The following KMT2D variants were observed in gnomAD, a reference collection of about 807,000 sequenced individuals.
KMT2D encodes the protein histone-lysine N-methyltransferase 2D.
In KMT2D, 55 loss-of-function variants were observed where a neutral mutation model predicts 512.7. The ratio of observed to expected loss-of-function variants is 0.11; its 90% CI spans 0.09 to 0.13. KMT2D has a LOEUF of 0.13. Among genes scored for constraint, KMT2D ranks in the 10% least tolerant of loss-of-function variants. KMT2D has a pLI of 1.00. For missense variants in KMT2D, 6,061 were observed against 7,127.9 expected (o/e 0.85, Z 5.39); for synonymous variants, 2,995 against 2,904.0 (o/e 1.03, Z -1.01).
rs769426621 is a variant in KMT2D, at chr12:49,044,095, C to T, written c.5189-97G>A. ...TGCCTACTCTCTCCCACAACACCAG[C>T]TGGGTCTACCACCCTCTTGGCCCTT... On this transcript the variant is annotated intron_variant, in intron 22 of 54. Transcript: ENST00000301067. The surrounding 1 kb of genome is among the most constrained non-coding windows in gnomAD (Gnocchi z 6.4). 7.5e-6 allele frequency: 12 copies of T among 1,590,214 alleles called. No homozygotes were observed. The highest frequency in any genetic ancestry group is 2.2e-4 in the Middle Eastern group (1 of 4,572).
rs2120501648 is a variant in KMT2D, at chr12:49,038,655, G to A, written c.8701C>T (p.Pro2901Ser). The change falls in exon 35 of 55, where the codon CCT (proline) becomes TCT (serine). Residue 2901 changes from proline to serine, a missense_variant. Pro to Ser is a moderately conservative substitution (Grantham distance 74). Around this residue, in one of 16 missense-constraint regions of KMT2D, gnomAD observed 527 missense variants for 578.9 expected, o/e 0.91. Transcript: ENST00000301067. The surrounding 1 kb of genome is among the most constrained non-coding windows in gnomAD (Gnocchi z 5.7). ...GGTPFPGQGP[P>S]QRPRFYPVSE... ...ACAGGGTAAAAACGGGGTCTCTGAG[G>A]TGGGCCCTGACCAGGAAACGGAGTG... 6.2e-7 allele frequency: 1 copy of A among 1,613,104 alleles called. No individual in the cohort carries two copies. Among genetic ancestry groups the A allele is most frequent in the Non-Finnish European group, 8.5e-7 (1 of 1,179,854 alleles).
Position 49,037,522 on chromosome 12 carries a change from T to TTGCTGC in KMT2D, c.9828_9833dup (p.Gln3281_Gln3282dup), listed in dbSNP as rs768814728. 4 of 1,555,714 alleles carry TTGCTGC rather than the reference T, an allele frequency of 2.6e-6. No homozygotes were observed. Among genetic ancestry groups the TTGCTGC allele is most frequent in the Non-Finnish European group, 3.5e-6 (4 of 1,149,470 alleles). ...ACAGTAGGGAATGCTGCTGCTGCTGTTGCTGCTGCTGCTGGGCAGGCTGCA... is the reference window on the plus strand; with the variant it reads ...ACAGTAGGGAATGCTGCTGCTGCTGTTGCTGCTGCTGCTGCTGCTGGGCAGGCTGCA... On this transcript the variant is annotated inframe_insertion, in exon 35 of 55. Transcript: ENST00000301067.
Position 49,046,914 on chromosome 12 carries a change from C to G in KMT2D, c.4237-124G>C, listed in dbSNP as rs12302633. ...AGGCTGGAGTGCAATGGCGCGATCT[C>G]GGCTCACTGCAACCTCTGCCTCTCA... On this transcript the variant is annotated intron_variant, in intron 15 of 54. Coordinates refer to ENST00000301067, the MANE Select transcript of KMT2D (RefSeq NM_003482.4). This position sits in a 1 kb window ranked among gnomAD's most constrained non-coding sequence, Gnocchi z 4.2. 1 of 783,964 alleles carries G rather than the reference C, an allele frequency of 1.3e-6. No homozygotes were observed. The highest frequency in any genetic ancestry group is 2.7e-5 in the Admixed American group (1 of 36,646). The allele number at this position is 783,964 out of a possible 1,614,324, so 48.6% of individuals were successfully genotyped here.
rs371426893 is a variant in KMT2D at position 49,038,875 on chromosome 12, G to A, written c.8481C>T (p.Thr2827=). The stretch of plus-strand genomic sequence containing the variant: ...GAGCTGACATGGCAAATCGCATGGA[G>A]GTTGCTGCTGTTGCCTGTTGTTGCT... ...LWQQQQATAA[T]SMRFAMSARF... Residue 2827 remains threonine, a synonymous_variant, in exon 35 of 55, where the codon ACC becomes ACT. Transcript: ENST00000301067. The surrounding 1 kb of genome is among the most constrained non-coding windows in gnomAD (Gnocchi z 5.7). The A allele has an allele frequency of 3.9e-5, 60 of 1,551,958 alleles. No individual in the cohort carries two copies. In the African/African-American group the frequency reaches 6.4e-4, roughly 17 times the overall value.
In KMT2D at chr12:49,044,649, G is replaced by A; in HGVS notation, c.4963+95C>T. 6.5e-7 allele frequency: 1 copy of A among 1,546,908 alleles called. No homozygotes were observed. On this transcript the variant is annotated intron_variant, in intron 20 of 54. Transcript: ENST00000301067. This position sits in a 1 kb window ranked among gnomAD's most constrained non-coding sequence, Gnocchi z 6.4. ...ACTTAGACGAGACAGCAGTGCTTAA[G>A]GGTAACTGAGTGGCAATGTAGCCCC... is the stretch of plus-strand genomic sequence containing the variant.
rs1433029080 is a variant in KMT2D, at chr12:49,050,675, T to A, written c.2913A>T (p.Ser971=). 1 of 1,612,842 alleles carries A rather than the reference T, an allele frequency of 6.2e-7. No individual in the cohort carries two copies. The highest frequency in any genetic ancestry group is 8.5e-7 in the Non-Finnish European group (1 of 1,179,576). The change falls in exon 12 of 55, where the codon TCA becomes TCT. Residue 971 remains serine (S), a synonymous_variant. Transcript: ENST00000301067. Reference sequence around the variant, plus strand: ...TCTCCAGGATGGGGGCAGCCAACGGTGACTCAGGGTCACTGTCCCCTTTGG... The same window carrying A: ...TCTCCAGGATGGGGGCAGCCAACGGAGACTCAGGGTCACTGTCCCCTTTGG... ...FGAKGDSDPE[S]PLAAPILETP... is the part of the protein sequence containing the mutation.
chr12:49,054,060 G>A lies in KMT2D; in HGVS notation c.591C>T (p.Cys197=), dbSNP rs754603677. ...PGCPRLYHFP[C]ATASGSFLSM... is the part of the protein sequence containing the mutation. ...ATAGGAAGGAACCGCTGGCAGTCGC[G>A]CAGGGGAAGTGGTAAAGCCGTGGAC... The change falls in exon 6 of 55, where the codon TGC becomes TGT. Residue 197 remains cysteine (C), a synonymous_variant. Coordinates refer to ENST00000301067, the MANE Select transcript of KMT2D (RefSeq NM_003482.4). This position sits in a 1 kb window ranked among gnomAD's most constrained non-coding sequence, Gnocchi z 6.4. 28 of 1,613,732 alleles carry A rather than the reference G, an allele frequency of 1.7e-5. No individual in the cohort carries two copies. Among genetic ancestry groups the A allele is most frequent in the South Asian group, 3.3e-5 (3 of 91,070 alleles).
intron 9 of KMT2D, 95 bp from the exon 10 acceptor site, chr12:49,052,804 A>T (rs1938158090): frequency 6.3e-7 from 1 of 1,583,074 alleles, no homozygotes. Context: ...TGTGGATGGC[A>T]CTGCCCACCT....
chr12:49,032,534 T>G lies in KMT2D; in HGVS notation c.12171A>C (p.Ser4057=). The G allele has an allele frequency of 9.4e-6, 15 of 1,603,480 alleles. No individual in the cohort carries two copies. Among genetic ancestry groups the G allele is most frequent in the Non-Finnish European group, 1.3e-5 (15 of 1,175,026 alleles). Residue 4057 remains serine (S), a synonymous_variant, in exon 40 of 55, where the codon TCA becomes TCC. Transcript: ENST00000301067. ...TTACCTCTCCTGGTTCAGTGGCCAT[T>G]GACTCAGGGGTAGTTCCTATTGCTA... is the stretch of plus-strand genomic sequence containing the variant. The part of the protein sequence containing the change: ...GPLAIGTTPE[S]MATEPGEVKP...
At chr12:49,045,064 G>A in intron 19 of KMT2D, 99 bp from the exon 20 acceptor site, 1 of 1,192,756 alleles carries the variant, frequency 8.4e-7, no homozygotes, top group Non-Finnish European at 1.2e-6. Flanking sequence ...CAAAGGCAGT[G>A]ACAAAAGTCC....
rs753306647 is a variant in KMT2D at position 49,048,114 on chromosome 12, A to G, written c.4132-45T>C. 2.3e-6 allele frequency: 3 copies of G among 1,307,468 alleles called. No individual in the cohort carries two copies. In the East Asian group the frequency reaches 7.0e-5, roughly 31 times the overall value. 81.0% of individuals were successfully genotyped at this position (1,307,468 alleles called of 1,614,324 possible). ...CCCAAATGTCCAACTAGATCTCCCC[A>G]TCCCACTCAGATCCAGTCTACTATG... On this transcript the variant is annotated intron_variant, in intron 14 of 54. Transcript: ENST00000301067.
At position 49,037,224 on chromosome 12, in the gene KMT2D, A is replaced by G. The variant is rs772239527; in HGVS notation, c.10132T>C (p.Ser3378Pro). 6.2e-7 allele frequency: 1 copy of G among 1,613,374 alleles called. No homozygotes were observed. The highest frequency in any genetic ancestry group is 1.1e-5 in the South Asian group (1 of 91,052). The stretch of plus-strand genomic sequence containing the variant: ...GGCATGGTGCCCATGGGCTTCTGTG[A>G]TAGCACTGGCTGTGAGCTCTGCTGG... Reference protein sequence around the residue: ...VPQQSSQPVLSQKPMGTMPPS... With the variant: ...VPQQSSQPVLPQKPMGTMPPS... The change falls in exon 35 of 55, where the codon TCA becomes CCA. Residue 3378 changes from serine (S) to proline (P), a missense_variant. Around this residue, in one of 16 missense-constraint regions of KMT2D, gnomAD observed 533 missense variants for 539.6 expected, o/e 0.99. Transcript: ENST00000301067.
rs779439618 is a variant in KMT2D, at chr12:49,051,538, G to A, written c.2145C>T (p.Leu715=). The part of the protein sequence containing the change: ...SPASPPPEDS[L]MSLPLEESPL... Reference sequence around the variant, plus strand: ...GTGACTCCTCCAGCGGCAGGGACATGAGCGAGTCCTCCGGTGGTGGGGAAG... The same window carrying A: ...GTGACTCCTCCAGCGGCAGGGACATAAGCGAGTCCTCCGGTGGTGGGGAAG... The change falls in exon 11 of 55, where the codon CTC becomes CTT. Residue 715 remains leucine (L), a synonymous_variant. Transcript: ENST00000301067. The A allele has an allele frequency of 4.3e-6, 7 of 1,613,072 alleles. No individual in the cohort carries two copies. The South Asian group carries it at 4.4e-5, about 10-fold the overall frequency.
In KMT2D at chr12:49,040,817, C is replaced by T. The variant is rs773922956; in HGVS notation, c.6953G>A (p.Gly2318Asp). ...DSPSSGTHLG[G>D]LELKTPDVFK... ...GACATCAGGTGTCTTTAACTCCAGG[C>T]CACCCAGGTGGGTGCCTGAGGAGGG... Residue 2318 changes from glycine (G) to aspartate (D), a missense_variant, in exon 32 of 55, where the codon GGC (glycine) becomes GAC (aspartate). This residue lies in a region of KMT2D where 710 missense variants were observed against 647.3 expected (regional missense o/e 1.10). Coordinates refer to ENST00000301067, the MANE Select transcript of KMT2D (RefSeq NM_003482.4). 16 of 1,613,674 alleles carry T rather than the reference C, an allele frequency of 9.9e-6. No homozygotes were observed. Among genetic ancestry groups the T allele is most frequent in the Admixed American group, 5.0e-5 (3 of 59,998 alleles).
Position 49,040,750 on chromosome 12 carries a change from G to A in KMT2D, c.7020C>T (p.Pro2340=), listed in dbSNP as rs1255482946. The A allele has an allele frequency of 3.1e-6, 5 of 1,613,498 alleles. No homozygotes were observed. Among genetic ancestry groups the A allele is most frequent in the East Asian group, 2.2e-5 (1 of 44,848 alleles). The change falls in exon 32 of 55, where the codon CCC becomes CCT. Residue 2340 remains proline, a synonymous_variant. Transcript: ENST00000301067. ...GCCTTAGGCCCAAGCCCGGGCTCTGGGGCTCTACCTGAGATGCCCGAGGGG... is the reference window on the plus strand; with the variant it reads ...GCCTTAGGCCCAAGCCCGGGCTCTGAGGCTCTACCTGAGATGCCCGAGGGG... The part of the protein sequence containing the change: ...PLTPRASQVE[P]QSPGLGLRPQ...
chr12:49,052,281 A>T lies in KMT2D; in HGVS notation c.1402T>A (p.Ser468Thr), dbSNP rs2120684538. ...GCGGGCAATTCCTCAGGTGGTGGTG[A>T]CAGGCGTGATGCCTCAGGTGGTGGG... ...TSPPPEASRLSPPPEELPASP... is the reference protein window; with the variant it reads ...TSPPPEASRLTPPPEELPASP... The change falls in exon 11 of 55, where the codon TCA becomes ACA. Residue 468 changes from serine to threonine, a missense_variant. Physicochemically the swap from Ser to Thr is moderately conservative, Grantham distance 58. Coordinates refer to ENST00000301067, the MANE Select transcript of KMT2D (RefSeq NM_003482.4). 6.2e-7 allele frequency: 1 copy of T among 1,605,770 alleles called. No individual in the cohort carries two copies. Among genetic ancestry groups the T allele is most frequent in the Non-Finnish European group, 8.5e-7 (1 of 1,175,184 alleles).
At chr12:49,036,388 T>C (rs1943217381) in intron 35 of KMT2D, among the ~76,000 whole-genome samples, 1 of 150,068 alleles carries the variant, frequency 6.7e-6, no homozygotes, top group African/African-American at 2.4e-5. Context: ...CTCAGCTAAC[T>C]GCAACCTCCA....
intron 9 of KMT2D, 47 bp downstream of exon 9, chr12:49,052,868 G>C (rs747156898): frequency 1.2e-5 from 19 of 1,608,860 alleles, no homozygotes; most frequent in Non-Finnish European, 1.4e-5. Flanking sequence ...GCCAATGTCA[G>C]TTCTTCCAAC....
rs1451648935 is a variant in KMT2D, at chr12:49,051,217, TGGCTCCTCAGGCACAGGAGACAGGTGC to T, written c.2439_2465del (p.His814_Pro822del). ...ATTCCTCAGGTTGGGGGGACAAGCA[TGGCTCCTCAGGCACAGGAGACAGGTGC>T]GGCTCCTCAGTCTGGGGGGACAGGT... On this transcript the variant is annotated inframe_deletion, in exon 11 of 55. Coordinates refer to ENST00000301067, the MANE Select transcript of KMT2D (RefSeq NM_003482.4). 5.3e-6 allele frequency: 8 copies of T among 1,500,802 alleles called. No individual in the cohort carries two copies. Among genetic ancestry groups the T allele is most frequent in the African/African-American group, 1.5e-5 (1 of 68,426 alleles). 93.0% of individuals were successfully genotyped at this position (1,500,802 alleles called of 1,614,324 possible).
Sources: gnomAD v4.1 joint callset for allele counts (sites outside exome capture counted in the v4.1 genomes callset) on GRCh38, gnomAD v4.1.1 for gene constraint, gnomAD v4.1.1 regional missense constraint, Gnocchi (gnomAD v3.1) non-coding constraint, MANE v1.5 for transcripts, NCBI Gene and HGNC (gene_info 2026-07-23, HGNC 2026-07-21) for gene names.